ATE1: variants seen among roughly 807,000 people sequenced by gnomAD.
ATE1 encodes the protein arginyltransferase 1.
Under a neutral mutation model 70.5 loss-of-function variants are expected in ATE1, and 36 were observed. The ratio of observed to expected loss-of-function variants is 0.51; its 90% CI spans 0.39 to 0.67. The LOEUF is 0.67. Ranked by LOEUF, ATE1 falls within the 30% of genes least tolerant of loss-of-function variation. The pLI is 0.00. For synonymous variants in ATE1, 232 were observed against 219.3 expected, an observed-to-expected ratio of 1.06 and a Z score of -0.51; for missense variants, 593 against 629.5, an observed-to-expected ratio of 0.94 and a Z score of 0.62.
intron 7 of ATE1, among the ~76,000 whole-genome samples, chr10:121,887,925 C>A (rs550510754): frequency 6.6e-6 from 1 of 152,106 alleles, no homozygotes; most frequent in Non-Finnish European, 1.5e-5. Flanking sequence ...CATTTTGCTA[C>A]CTCTCCCACC....
intron 11 of ATE1, among the ~76,000 whole-genome samples, chr10:121,781,206 G>T (rs1242666505): frequency 1.3e-5 from 2 of 151,824 alleles, no homozygotes; most frequent in African/African-American, 4.8e-5. Context: ...TACCTCTTGG[G>T]CACTGCCTTT....
chr10:121,785,288 T>C (rs564241751), intron 11 of ATE1, among the ~76,000 whole-genome samples: 70 of 152,310 alleles, frequency 4.6e-4, no homozygotes, highest in Non-Finnish European at 9.0e-4. Flanking sequence ...GAGTTATTAC[T>C]GCAGCACCTT....
At chr10:121,872,749 A>G (rs1949905843) in intron 7 of ATE1, among the ~76,000 whole-genome samples, 1 of 152,048 alleles carries the variant, frequency 6.6e-6, no homozygotes, top group Non-Finnish European at 1.5e-5. Flanking sequence ...CTGTGAACCT[A>G]AAACTACTAA....
intron 11 of ATE1, chr10:121,782,577 G>A (rs1270333564): frequency 6.6e-6 from 1 of 152,166 alleles, no homozygotes; most frequent in African/African-American, 2.4e-5. Flanking sequence ...CAGGATGCAG[G>A]AAGACCATTA....
At chr10:121,795,824 A>C (rs1946637901) in intron 10 of ATE1, among the ~76,000 whole-genome samples, 1 of 152,222 alleles carries the variant, frequency 6.6e-6, no homozygotes, top group South Asian at 2.1e-4. Context: ...AGGGGGTTGA[A>C]AGCTACCCTG....
At chr10:121,819,049 T>A (rs930072990) in intron 10 of ATE1, among the ~76,000 whole-genome samples, 1 of 152,234 alleles carries the variant, frequency 6.6e-6, no homozygotes, top group Non-Finnish European at 1.5e-5. Flanking sequence ...GTTTCTATGA[T>A]AAACTTCAAT....
chr10:121,788,538 CA>C (rs765664493), intron 11 of ATE1, among the ~76,000 whole-genome samples: 2 of 152,110 alleles, frequency 1.3e-5, no homozygotes, highest in Non-Finnish European at 2.9e-5. Context: ...TTTTTTTACA[CA>C]AAAAACCTGA....
chr10:121,894,001 G>A (rs1476410159), intron 7 of ATE1, among the ~76,000 whole-genome samples: 2 of 152,114 alleles, frequency 1.3e-5, no homozygotes, highest in East Asian at 3.9e-4. Context: ...GCCGGGCGTG[G>A]TGGCACACGC....
rs376389324 is a variant in ATE1 at position 121,812,754 on chromosome 10, C to T, written c.1258-22465G>A. 1.1e-4 allele frequency among the ~76,000 whole-genome samples: 16 copies of T among 152,238 alleles called. No homozygotes were observed. The South Asian group carries it at 2.1e-3, about 20-fold the overall frequency. On this transcript the variant is annotated intron_variant, in intron 10 of 11. Transcript: ENST00000224652. ...CATTTGTAAATCAAGTTCAAAACTC[C>T]GTGTAGCTAAACATGCAAGCAGCAA...
chr10:121,777,178 G>A (rs1386277075), intron 11 of ATE1, among the ~76,000 whole-genome samples: 1 of 152,210 alleles, frequency 6.6e-6, no homozygotes, highest in African/African-American at 2.4e-5. Context: ...GCTAATGACT[G>A]GCGGGACTAG....
At chr10:121,890,942 A>G (rs1033766887) in intron 7 of ATE1, among the ~76,000 whole-genome samples, 2 of 152,130 alleles carry the variant, frequency 1.3e-5, no homozygotes, top group African/African-American at 2.4e-5. Flanking sequence ...ACAAAGTCCT[A>G]TATTATTTCA....
At chr10:121,854,642 G>A (rs1209065429) in intron 8 of ATE1, among the ~76,000 whole-genome samples, 2 of 152,016 alleles carry the variant, frequency 1.3e-5, no homozygotes, top group Non-Finnish European at 2.9e-5. Context: ...ATTCACTCGT[G>A]ACCCATATAT....
intron 7 of ATE1, among the ~76,000 whole-genome samples, chr10:121,876,408 G>GT (rs1271623780): frequency 6.6e-6 from 1 of 152,152 alleles, no homozygotes; most frequent in Non-Finnish European, 1.5e-5. Flanking sequence ...GATTTGGATT[G>GT]TAAGTTAGGT....
intron 10 of ATE1, among the ~76,000 whole-genome samples, chr10:121,825,197 G>A (rs999461631): frequency 6.6e-6 from 1 of 151,896 alleles, no homozygotes; most frequent in African/African-American, 2.4e-5. Context: ...ATGGAATTAT[G>A]GGAAATAAAG....
chr10:121,924,247 T>C lies in ATE1; in HGVS notation c.170+19A>G, dbSNP rs750669316. On this transcript the variant is annotated intron_variant, in intron 2 of 11. Coordinates refer to ENST00000224652, the MANE Select transcript of ATE1 (RefSeq NM_001001976.3). Reference sequence around the variant, plus strand: ...ACCTGAGTAACAGTAGGAAGTCTCTTTGTATCTGGAAGCTTTACCTTCGCC... The same window carrying C: ...ACCTGAGTAACAGTAGGAAGTCTCTCTGTATCTGGAAGCTTTACCTTCGCC... 4.3e-6 allele frequency: 7 copies of C among 1,610,048 alleles called. No individual in the cohort carries two copies. The Admixed American group carries it at 1.0e-4, about 23-fold the overall frequency.
Position 121,771,704 on chromosome 10 carries a change from G to C in ATE1, c.1378+18465C>G, listed in dbSNP as rs1209604024. Reference sequence around the variant, plus strand: ...CAAATTAGAGGAAATGTAACTCTTAGGTCCTTTTTAAAAAATGCAAAGACT... The same window carrying C: ...CAAATTAGAGGAAATGTAACTCTTACGTCCTTTTTAAAAAATGCAAAGACT... On this transcript the variant is annotated intron_variant, in intron 11 of 11. Coordinates refer to ENST00000224652, the MANE Select transcript of ATE1 (RefSeq NM_001001976.3). Among the ~76,000 whole-genome samples the C allele has an allele frequency of 3.3e-5, 5 of 152,114 alleles. No individual in the cohort carries two copies. In the East Asian group the frequency reaches 9.6e-4, roughly 29 times the overall value.
At chr10:121,827,643 T>C (rs1387445213) in intron 10 of ATE1, among the ~76,000 whole-genome samples, 4 of 152,262 alleles carry the variant, frequency 2.6e-5, no homozygotes, top group African/African-American at 7.2e-5. Flanking sequence ...CAATAGCTCA[T>C]GTGAGCAATG....
chr10:121,883,423 A>C (rs945300122), intron 7 of ATE1, among the ~76,000 whole-genome samples: 1 of 152,224 alleles, frequency 6.6e-6, no homozygotes, highest in Non-Finnish European at 1.5e-5. Context: ...ACAAATGCTA[A>C]TACTAGACAA....
chr10:121,774,607 C>T (rs1945656262), intron 11 of ATE1, among the ~76,000 whole-genome samples: 1 of 152,124 alleles, frequency 6.6e-6, no homozygotes, highest in Non-Finnish European at 1.5e-5. Flanking sequence ...CTTTACAGAG[C>T]ACGTTCATTA....
Sources: gnomAD v4.1 joint callset for allele counts (sites outside exome capture counted in the v4.1 genomes callset) on GRCh38, gnomAD v4.1.1 for gene constraint, MANE v1.5 for transcripts, NCBI Gene and HGNC (gene_info 2026-07-23, HGNC 2026-07-21) for gene names.